The following SEMA6D variants were observed in gnomAD, a reference collection of about 807,000 sequenced individuals.
The protein encoded by SEMA6D is semaphorin-6D.
A neutral mutation model predicts 106.6 loss-of-function variants in SEMA6D; 35 were observed. The observed-to-expected ratio is 0.33, with a 90% confidence interval of 0.25 to 0.44. The LOEUF (loss-of-function observed/expected upper bound fraction) is 0.44, where lower values mean the gene tolerates loss of function less well. Among genes scored for constraint, SEMA6D ranks in the 20% least tolerant of loss-of-function variants. The pLI is 1.00. For synonymous variants in SEMA6D, 499 were observed against 487.7 expected, an observed-to-expected ratio of 1.02 and a Z score of -0.31; for missense variants, 1,185 against 1,345.9, an observed-to-expected ratio of 0.88 and a Z score of 1.87.
chr15:47,700,799 G>T (rs917714515), intron 4 of SEMA6D, among the ~76,000 whole-genome samples: 6 of 152,078 alleles, frequency 3.9e-5, no homozygotes, highest in Admixed American at 3.3e-4. Context: ...CAGACAAATA[G>T]GTCAATGGAA....
At chr15:47,392,848 A>T (rs117709964) in intron 1 of SEMA6D, among the ~76,000 whole-genome samples, 1 of 152,232 alleles carries the variant, frequency 6.6e-6, no homozygotes, top group Non-Finnish European at 1.5e-5. Context: ...AAGGCTTCCA[A>T]TGAAAACAAG....
At chr15:47,457,254 A>G (rs1361910341) in intron 2 of SEMA6D, among the ~76,000 whole-genome samples, 1 of 152,010 alleles carries the variant, frequency 6.6e-6, no homozygotes, top group African/African-American at 2.4e-5. Flanking sequence ...AAAGAATACA[A>G]AAATATCCAG....
intron 1 of SEMA6D, among the ~76,000 whole-genome samples, chr15:47,214,101 A>G (rs938104945): frequency 1.3e-5 from 2 of 152,166 alleles, no homozygotes; most frequent in African/African-American, 2.4e-5. Flanking sequence ...AAGCACCATG[A>G]GCAATAAGAT....
intron 1 of SEMA6D, among the ~76,000 whole-genome samples, chr15:47,752,857 A>C (rs1203782598): frequency 6.6e-6 from 1 of 151,634 alleles, no homozygotes; most frequent in Non-Finnish European, 1.5e-5. Flanking sequence ...AAAAGTATAA[A>C]AATTAGCTGG....
chr15:47,759,329 C>T lies in SEMA6D; in HGVS notation c.-54-416C>T, dbSNP rs571035939. Among the ~76,000 whole-genome samples the T allele has an allele frequency of 1.1e-4, 16 of 152,084 alleles. No individual in the cohort carries two copies. In the East Asian group the frequency reaches 1.2e-3, roughly 11 times the overall value. ...CTGGCTATTTTTGAGGCAGCTTGAGCGTTTTATGCGGGGCAGAGACAAGCT... is the reference window on the plus strand; with the variant it reads ...CTGGCTATTTTTGAGGCAGCTTGAGTGTTTTATGCGGGGCAGAGACAAGCT... On this transcript the variant is annotated intron_variant, in intron 1 of 18. Transcript: ENST00000536845.
chr15:47,764,890 C>T lies in SEMA6D; in HGVS notation c.1261C>T (p.Leu421=). ...TGCCGCCTCCTCTTGTAGGTACAGA[C>T]TGACGGCCATCTCAGTGGACCATTC... ...WFTKTRVRYR[L]TAISVDHSAG... The change falls in exon 13 of 19, where the codon CTG becomes TTG. Residue 421 remains leucine (L), a synonymous_variant. Coordinates refer to ENST00000536845, the MANE Select transcript of SEMA6D (RefSeq NM_001358351.3). 1 of 1,613,882 alleles carries T rather than the reference C, an allele frequency of 6.2e-7. No individual in the cohort carries two copies.
chr15:47,411,835 T>C (rs2040809541), intron 1 of SEMA6D, among the ~76,000 whole-genome samples: 1 of 152,090 alleles, frequency 6.6e-6, no homozygotes, highest in Non-Finnish European at 1.5e-5. Context: ...ATAAATTCAC[T>C]CCAGCCCTCA....
intron 1 of SEMA6D, among the ~76,000 whole-genome samples, chr15:47,192,013 T>C (rs141653117): frequency 1.3e-5 from 2 of 152,218 alleles, no homozygotes; most frequent in African/African-American, 4.8e-5. Flanking sequence ...ATACTTTGCC[T>C]ACATCCATGA....
At chr15:47,375,651 G>T (rs1034207324) in intron 1 of SEMA6D, among the ~76,000 whole-genome samples, 1 of 152,064 alleles carries the variant, frequency 6.6e-6, no homozygotes, top group Non-Finnish European at 1.5e-5. Context: ...TTCATCTATT[G>T]ACCCAGTTAC....
At chr15:47,427,860 C>T (rs572699351) in intron 2 of SEMA6D, among the ~76,000 whole-genome samples, 5 of 152,110 alleles carry the variant, frequency 3.3e-5, no homozygotes, top group Non-Finnish European at 7.4e-5. Context: ...TGGAACCCTT[C>T]TTGATTTCCT....
At chr15:47,596,268 G>A (rs904773011) in intron 3 of SEMA6D, among the ~76,000 whole-genome samples, 6 of 151,898 alleles carry the variant, frequency 4.0e-5, no homozygotes, top group South Asian at 2.1e-4. Flanking sequence ...GTAGAACATC[G>A]ATAAAAGAAA....
intron 3 of SEMA6D, among the ~76,000 whole-genome samples, chr15:47,471,874 G>A (rs981135641): frequency 2.7e-5 from 4 of 149,726 alleles, no homozygotes; most frequent in South Asian, 2.1e-4. Context: ...ACCAACCTCC[G>A]GTGATCAGAG....
intron 1 of SEMA6D, among the ~76,000 whole-genome samples, chr15:47,230,997 CT>C (rs1164531001): frequency 2.0e-4 from 31 of 152,112 alleles, no homozygotes; most frequent in African/African-American, 7.5e-4. Context: ...CTTTCCTCCC[CT>C]TTGTCTTTGT....
At chr15:47,365,401 A>G (rs1161741052) in intron 1 of SEMA6D, among the ~76,000 whole-genome samples, 1 of 152,162 alleles carries the variant, frequency 6.6e-6, no homozygotes, top group Non-Finnish European at 1.5e-5. Context: ...CCCCCACTGC[A>G]GCCCAAAGAA....
At chr15:47,371,519 G>A (rs1481145306) in intron 1 of SEMA6D, among the ~76,000 whole-genome samples, 2 of 152,120 alleles carry the variant, frequency 1.3e-5, no homozygotes, top group African/African-American at 4.8e-5. Context: ...TTTTAAAAGT[G>A]GTGCAAATGC....
chr15:47,222,810 G>A (rs1047382203), intron 1 of SEMA6D, among the ~76,000 whole-genome samples: 6 of 152,158 alleles, frequency 3.9e-5, no homozygotes, highest in Non-Finnish European at 8.8e-5. Context: ...TGCTCTTCGA[G>A]AGTGACATTT....
chr15:47,518,546 A>G (rs934868460), intron 3 of SEMA6D, among the ~76,000 whole-genome samples: 4 of 152,248 alleles, frequency 2.6e-5, no homozygotes, highest in African/African-American at 9.6e-5. Context: ...ATAGCAAGTT[A>G]CTGTACCGAA....
chr15:47,275,174 T>A (rs2034742653), intron 1 of SEMA6D: 1 of 152,168 alleles, frequency 6.6e-6, no homozygotes, highest in Non-Finnish European at 1.5e-5. Context: ...GGTGTCATAT[T>A]TAGCTTCATG....
intron 1 of SEMA6D, among the ~76,000 whole-genome samples, chr15:47,347,251 A>G (rs1277277860): frequency 6.6e-6 from 1 of 152,216 alleles, no homozygotes; most frequent in Non-Finnish European, 1.5e-5. Context: ...TTACCTTAGA[A>G]TATCAGGGAC....
Sources: gnomAD v4.1 joint callset for allele counts (sites outside exome capture counted in the v4.1 genomes callset) on GRCh38, gnomAD v4.1.1 for gene constraint, MANE v1.5 for transcripts, NCBI Gene and HGNC (gene_info 2026-07-23, HGNC 2026-07-21) for gene names.